BAZ1A: variants seen among roughly 807,000 people sequenced by gnomAD.
BAZ1A encodes bromodomain adjacent to zinc finger domain protein 1A.
Under a neutral mutation model 185.2 loss-of-function variants are expected in BAZ1A, and 50 were observed. The observed-to-expected ratio is 0.27, with a 90% CI of 0.22 to 0.34. BAZ1A has a LOEUF of 0.34. Ranked by LOEUF, BAZ1A falls within the 10% of genes least tolerant of loss-of-function variation. The pLI is 1.00. For synonymous variants in BAZ1A, 571 were observed against 615.6 expected (o/e 0.93, Z 1.07); for missense variants, 1,356 against 1,839.9 (o/e 0.74, Z 4.81).
chr14:34,832,308 A>G (rs2042261420), intron 3 of BAZ1A, among the ~76,000 whole-genome samples: 1 of 150,660 alleles, frequency 6.6e-6, no homozygotes, highest in Non-Finnish European at 1.5e-5. Context: ...CAACACTTAC[A>G]GAAGCATTAA....
At chr14:34,840,764 AAAACAAACAAAC>A (rs112881728) in intron 3 of BAZ1A, among the ~76,000 whole-genome samples, 22,511 of 148,954 alleles carry the variant, frequency 0.15, 1,934 homozygotes, top group Admixed American at 0.27. Flanking sequence ...CTCCCCCCCA[AAAACAAACAAAC>A]AAACAAACAA....
intron 12 of BAZ1A, among the ~76,000 whole-genome samples, chr14:34,788,023 GTT>G (rs559620629): frequency 1.4e-5 from 2 of 143,128 alleles, no homozygotes; most frequent in Non-Finnish European, 1.5e-5. Flanking sequence ...GTTCATTTTT[GTT>G]TTTTTTTTTT....
intron 10 of BAZ1A, among the ~76,000 whole-genome samples, chr14:34,795,187 A>G (rs1479540512): frequency 6.6e-6 from 1 of 152,220 alleles, no homozygotes; most frequent in Non-Finnish European, 1.5e-5. Context: ...TCCTAGTAAG[A>G]GTCTCTTAAC....
chr14:34,757,555 C>G (rs1448628703), intron 25 of BAZ1A, among the ~76,000 whole-genome samples: 1 of 151,310 alleles, frequency 6.6e-6, no homozygotes, highest in African/African-American at 2.4e-5. Context: ...ATCCCAGCTA[C>G]TTGGGAGGCT....
Position 34,859,333 on chromosome 14 carries a change from C to T in BAZ1A, c.392+2711G>A, listed in dbSNP as rs374784736. 2.7e-4 allele frequency among the ~76,000 whole-genome samples: 41 copies of T among 151,524 alleles called. No homozygotes were observed. In the East Asian group the frequency reaches 6.2e-3, roughly 23 times the overall value. ...CCTATAGTCCCAGCTACTCAGGAGG[C>T]TGAGGCGGGATGACTGCTTGAGGCT... On this transcript the variant is annotated intron_variant, in intron 3 of 26. Transcript: ENST00000360310.
intron 3 of BAZ1A, among the ~76,000 whole-genome samples, chr14:34,859,339 C>T (rs144630506): frequency 1.1e-3 from 166 of 150,454 alleles, no homozygotes; most frequent in African/African-American, 3.9e-3. Flanking sequence ...GAGGCTGAGG[C>T]GGGATGACTG....
chr14:34,851,569 C>G (rs1376267637), intron 3 of BAZ1A, among the ~76,000 whole-genome samples: 1 of 151,772 alleles, frequency 6.6e-6, no homozygotes, highest in Non-Finnish European at 1.5e-5. Context: ...GGGGAGGGGA[C>G]AGAAGATGGG....
chr14:34,874,690 C>CTA lies in BAZ1A; in HGVS notation c.-58-29_-58-28insTA. The CTA allele has an allele frequency of 8.2e-7, 1 of 1,216,844 alleles. No homozygotes were observed. The highest frequency in any genetic ancestry group is 1.2e-6 in the Non-Finnish European group (1 of 869,566). The allele number at this position is 1,216,844 out of a possible 1,614,324, so 75.4% of individuals were successfully genotyped here. On this transcript the variant is annotated intron_variant, in intron 1 of 26. Coordinates refer to ENST00000360310, the MANE Select transcript of BAZ1A (RefSeq NM_013448.3). This position sits in a 1 kb window ranked among gnomAD's most constrained non-coding sequence, Gnocchi z 4.7. Reference sequence around the variant, plus strand: ...ATCAAAATTGGAGGGAAAGGAAAGCCGGTAAGGTGGGGAGCCCTCGGCGGC... The same window carrying CTA: ...ATCAAAATTGGAGGGAAAGGAAAGCCTAGGTAAGGTGGGGAGCCCTCGGCGGC...
At chr14:34,800,947 T>C (rs1320057709) in intron 8 of BAZ1A, 147 bp downstream of exon 8, 3 of 582,302 alleles carry the variant, frequency 5.2e-6, no homozygotes, top group East Asian at 3.2e-5. Flanking sequence ...AACAAACAAA[T>C]AAACAATAGT....
chr14:34,758,589 A>G, intron 25 of BAZ1A, 115 bp downstream of exon 25: 1 of 1,116,020 alleles, frequency 9.0e-7, no homozygotes, highest in Non-Finnish European at 1.3e-6. Context: ...GGAAAAAACA[A>G]CAACAACAAA....
Position 34,826,114 on chromosome 14 carries a change from T to G in BAZ1A, c.435A>C (p.Gln145His). The G allele has an allele frequency of 6.2e-7, 1 of 1,612,886 alleles. No individual in the cohort carries two copies. The highest frequency in any genetic ancestry group is 8.5e-7 in the Non-Finnish European group (1 of 1,179,512). The change falls in exon 4 of 27, where the codon CAA becomes CAC. Residue 145 changes from glutamine (Q) to histidine (H), a missense_variant. Coordinates refer to ENST00000360310, the MANE Select transcript of BAZ1A (RefSeq NM_013448.3). The part of the protein sequence containing the change: ...RILEVLPPSH[Q>H]NGFANGHVNS... ...TAACATGTCCATTAGCAAAACCATT[T>G]TGATGTGATGGAGGGAGGACTTCCA...
rs572773897 is a variant in BAZ1A, at chr14:34,848,668, C to G, written c.392+13376G>C. 3.9e-5 allele frequency among the ~76,000 whole-genome samples: 6 copies of G among 152,282 alleles called. No individual in the cohort carries two copies. In the East Asian group the frequency reaches 1.2e-3, roughly 29 times the overall value. ...AACAATACTGAACCATAGTCTCATG[C>G]TCACTTTGGCAGCACATATATTGAA... On this transcript the variant is annotated intron_variant, in intron 3 of 26. Coordinates refer to ENST00000360310, the MANE Select transcript of BAZ1A (RefSeq NM_013448.3).
At chr14:34,827,212 T>C (rs1416249251) in intron 3 of BAZ1A, among the ~76,000 whole-genome samples, 1 of 152,252 alleles carries the variant, frequency 6.6e-6, no homozygotes, top group Admixed American at 6.5e-5. Context: ...AGGTTTATCC[T>C]GGAGAATATC....
intron 3 of BAZ1A, among the ~76,000 whole-genome samples, chr14:34,844,093 C>A (rs1381423453): frequency 1.3e-5 from 2 of 150,292 alleles, no homozygotes; most frequent in East Asian, 3.9e-4. Context: ...GTAGTCCCAG[C>A]TACTCGGGAG....
Position 34,776,211 on chromosome 14 carries a change from A to G in BAZ1A, c.2541T>C (p.Asn847=), listed in dbSNP as rs774394337. 6.8e-6 allele frequency: 11 copies of G among 1,614,166 alleles called. No individual in the cohort carries two copies. The highest frequency in any genetic ancestry group is 2.2e-5 in the South Asian group (2 of 91,080). ...LLPRPSSFQN[N]VQSQDPQVST... is the part of the protein sequence containing the mutation. ...ATACCTGAGGATCTTGAGACTGTACATTATTCTGAAATGATGAAGGTCTAG... is the reference window on the plus strand; with the variant it reads ...ATACCTGAGGATCTTGAGACTGTACGTTATTCTGAAATGATGAAGGTCTAG... Residue 847 remains asparagine (N), a synonymous_variant, in exon 18 of 27, where the codon AAT becomes AAC. Coordinates refer to ENST00000360310, the MANE Select transcript of BAZ1A (RefSeq NM_013448.3).
chr14:34,826,288 T>A, intron 3 of BAZ1A, 132 bp from the exon 4 acceptor site: 1 of 833,530 alleles, frequency 1.2e-6, no homozygotes, highest in Non-Finnish European at 1.8e-6. Context: ...TTAAACAATT[T>A]AATTAAAAAG....
chr14:34,817,544 C>T lies in BAZ1A; in HGVS notation c.537-6508G>A, dbSNP rs553364564. Among the ~76,000 whole-genome samples the T allele has an allele frequency of 6.7e-4, 102 of 152,290 alleles. 1 individual carries two copies. The highest frequency in any genetic ancestry group is 2.0e-3 in the African/African-American group (85 of 41,570). On this transcript the variant is annotated intron_variant, in intron 4 of 26. Transcript: ENST00000360310. Reference sequence around the variant, plus strand: ...CGGAGGTTGCAGTGAGCCAAGATTGCGCTGTTGCGCAACAGCCTGGCAACA... The same window carrying T: ...CGGAGGTTGCAGTGAGCCAAGATTGTGCTGTTGCGCAACAGCCTGGCAACA...
At position 34,874,761 on chromosome 14, in the gene BAZ1A, T is replaced by C; in HGVS notation, c.-58-99A>G. On this transcript the variant is annotated intron_variant, in intron 1 of 26. Coordinates refer to ENST00000360310, the MANE Select transcript of BAZ1A (RefSeq NM_013448.3). This position sits in a 1 kb window ranked among gnomAD's most constrained non-coding sequence, Gnocchi z 4.7. The stretch of plus-strand genomic sequence containing the variant: ...CTGGGAGAAGCTCGGCTGCCTTTTG[T>C]GTGACTGACGCGCCGCGGCCGCTAC... The C allele has an allele frequency of 1.8e-6, 1 of 555,872 alleles. No homozygotes were observed. Among genetic ancestry groups the C allele is most frequent in the Non-Finnish European group, 3.1e-6 (1 of 324,744 alleles). 34.4% of individuals were successfully genotyped at this position (555,872 alleles called of 1,614,324 possible). A position where few individuals can be genotyped will look rare whatever the true frequency, so the allele number is the denominator to read the frequency against.
At position 34,753,516 on chromosome 14, in the gene BAZ1A, G is replaced by T; in HGVS notation, c.4663C>A (p.Arg1555=). ...CCTTTAGAAGGACAAAGTCAGATTC[G>T]TGACTTTTTCGCAGCCGGTGGTGTG... The part of the protein sequence containing the change: ...VSTPPAAKKS[R]I Residue 1555 remains arginine (R), a synonymous_variant, in exon 27 of 27, where the codon CGA becomes AGA. Coordinates refer to ENST00000360310, the MANE Select transcript of BAZ1A (RefSeq NM_013448.3). The T allele has an allele frequency of 6.2e-7, 1 of 1,613,936 alleles. No homozygotes were observed. The highest frequency in any genetic ancestry group is 1.1e-5 in the South Asian group (1 of 91,064).
Sources: allele counts gnomAD v4.1 joint callset (sites outside exome capture counted in the v4.1 genomes callset), GRCh38; gene constraint gnomAD v4.1.1; non-coding constraint Gnocchi (gnomAD v3.1); transcripts MANE v1.5; gene names NCBI Gene and HGNC (gene_info 2026-07-23, HGNC 2026-07-21).